The following TFIP11 variants were observed in gnomAD, a reference collection of about 807,000 sequenced individuals.
The protein encoded by TFIP11 is tuftelin-interacting protein 11.
Under a neutral mutation model 96.8 loss-of-function variants are expected in TFIP11, and 86 were observed. The ratio of observed to expected loss-of-function variants is 0.89; its 90% CI spans 0.75 to 1.06. The LOEUF is 1.06. Ranked by LOEUF, TFIP11 falls within the 50% of genes least tolerant of loss-of-function variation. TFIP11 has a pLI of 0.00. For synonymous variants in TFIP11, 405 were observed against 395.2 expected, an observed-to-expected ratio of 1.02 and a Z score of -0.29; for missense variants, 881 against 1,076.7, an observed-to-expected ratio of 0.82 and a Z score of 2.54.
At chr22:26,498,655 AC>A in intron 10 of TFIP11, 1 of 510,388 alleles carries the variant, frequency 2.0e-6, no homozygotes, top group East Asian at 3.1e-5. Context: ...GTAACCAAAT[AC>A]TACCTGTTCC....
chr22:26,493,546 T>A (rs1921498491), intron 14 of TFIP11: 1 of 153,328 alleles, frequency 6.5e-6, no homozygotes, highest in East Asian at 1.9e-4. Context: ...AACATAAATA[T>A]ACTCTCACTT....
chr22:26,510,221 C>T lies in TFIP11; in HGVS notation c.52G>A (p.Asp18Asn). Residue 18 changes from aspartate to asparagine, a missense_variant, in exon 4 of 15, where the codon GAT (aspartate) becomes AAT (asparagine). By Grantham distance (23) the Asp-to-Asn change is conservative. Transcript: ENST00000407690. ...RDGEGRIDDD[D>N]DERENFEITD... ...ATCTCAAAGTTCTCCCGCTCGTCAT[C>T]ATCATCATCAATGCGGCCTTCCCCA... is the stretch of plus-strand genomic sequence containing the variant. 1.2e-6 allele frequency: 2 copies of T among 1,614,182 alleles called. No homozygotes were observed. Among genetic ancestry groups the T allele is most frequent in the South Asian group, 2.2e-5 (2 of 91,076 alleles).
intron 6 of TFIP11, 96 bp downstream of exon 6, chr22:26,506,207 G>C: frequency 7.4e-7 from 1 of 1,352,496 alleles, no homozygotes; most frequent in African/African-American, 1.5e-5. Context: ...GAGATAAAGT[G>C]CTTTTAAAAG....
intron 12 of TFIP11, among the ~76,000 whole-genome samples, chr22:26,495,383 T>G (rs1371657825): frequency 1.5e-5 from 2 of 133,844 alleles, no homozygotes; most frequent in Non-Finnish European, 3.1e-5. Context: ...GTTCAAGCCA[T>G]CCTCCCGCCT....
intron 14 of TFIP11, chr22:26,493,865 G>A (rs1259958109): frequency 2.4e-6 from 1 of 422,120 alleles, no homozygotes; most frequent in East Asian, 4.9e-5. Context: ...GGTTAAGAGG[G>A]CGGGGCCTGG....
intron 10 of TFIP11, among the ~76,000 whole-genome samples, chr22:26,497,495 A>G (rs1225352779): frequency 6.6e-6 from 1 of 152,220 alleles, no homozygotes; most frequent in Non-Finnish European, 1.5e-5. Context: ...TACAACCACT[A>G]TGGAAAACAG....
chr22:26,494,719 C>T (rs2147120845), intron 13 of TFIP11, 78 bp downstream of exon 13: 1 of 1,579,892 alleles, frequency 6.3e-7, no homozygotes, highest in South Asian at 1.1e-5. Flanking sequence ...ATTGTACCTA[C>T]AGTCAGGCCT....
rs1219121776 is a variant in TFIP11 at position 26,506,763 on chromosome 22, A to G, written c.363+12T>C. ...GATATTCCTAGGGTCACAATCCTGCAATAGAGACTACCGTTTTTAGCTTCC... is the reference window on the plus strand; with the variant it reads ...GATATTCCTAGGGTCACAATCCTGCGATAGAGACTACCGTTTTTAGCTTCC... On this transcript the variant is annotated intron_variant, in intron 5 of 14. Transcript: ENST00000407690. The G allele has an allele frequency of 2.5e-6, 4 of 1,614,156 alleles. No individual in the cohort carries two copies. Among genetic ancestry groups the G allele is most frequent in the Non-Finnish European group, 3.4e-6 (4 of 1,179,996 alleles).
intron 6 of TFIP11, 140 bp from the exon 7 acceptor site, chr22:26,503,933 C>T (rs1018341577): frequency 2.7e-6 from 3 of 1,102,294 alleles, no homozygotes; most frequent in African/African-American, 3.1e-5. Context: ...CTATTCTCTG[C>T]CCTCAGAACA....
intron 4 of TFIP11, among the ~76,000 whole-genome samples, chr22:26,509,396 C>A (rs573832086): frequency 6.6e-6 from 1 of 152,300 alleles, no homozygotes; most frequent in East Asian, 1.9e-4. Flanking sequence ...AAAATGTGTT[C>A]TCCCTCATGT....
rs1395071853 is a variant in TFIP11 at position 26,496,071 on chromosome 22, A to T, written c.1849+2T>A. 5 of 1,613,234 alleles carry T rather than the reference A, an allele frequency of 3.1e-6. No homozygotes were observed. Among genetic ancestry groups the T allele is most frequent in the Non-Finnish European group, 4.2e-6 (5 of 1,179,830 alleles). ...TTGGAATGCATTTCCCCTTATCCTT[A>T]CCCAGCTTGGGCACTATGTTTTTGA... is the stretch of plus-strand genomic sequence containing the variant. On this transcript the variant is annotated splice_donor_variant, in intron 12 of 14. Transcript: ENST00000407690. LOFTEE classifies it high-confidence loss of function.
chr22:26,509,310 G>A (rs112706075), intron 4 of TFIP11, among the ~76,000 whole-genome samples: 99 of 152,212 alleles, frequency 6.5e-4, no homozygotes, highest in African/African-American at 2.2e-3. Flanking sequence ...ACCTTCTACT[G>A]TCAGTCATAT....
chr22:26,493,030 C>CT (rs752093181), intron 14 of TFIP11: 1,641 of 144,730 alleles, frequency 0.011, 29 homozygotes, highest in East Asian at 0.088. Context: ...GGCTATTTTT[C>CT]TTTTTTTTTT....
chr22:26,497,914 C>G (rs1203683598), intron 10 of TFIP11, among the ~76,000 whole-genome samples: 1 of 146,932 alleles, frequency 6.8e-6, no homozygotes, highest in African/African-American at 2.5e-5. Context: ...GAGAAAGATA[C>G]TTGCTCACAC....
At chr22:26,498,151 A>T (rs5761564) in intron 10 of TFIP11, among the ~76,000 whole-genome samples, 31 of 152,106 alleles carry the variant, frequency 2.0e-4, no homozygotes, top group African/African-American at 7.3e-4. Context: ...GTTCTCACTT[A>T]TAAGTGGAAG....
At chr22:26,495,422 C>T (rs550593449) in intron 12 of TFIP11, among the ~76,000 whole-genome samples, 6 of 151,626 alleles carry the variant, frequency 4.0e-5, no homozygotes, top group East Asian at 1.9e-4. Flanking sequence ...GGACGACAGG[C>T]GCCCGCCACC....
At chr22:26,494,080 T>TA in intron 14 of TFIP11, 59 bp downstream of exon 14, 2 of 1,590,160 alleles carry the variant, frequency 1.3e-6, no homozygotes, top group Non-Finnish European at 1.7e-6. Context: ...CTGTGTCATT[T>TA]ACATGTGTAA....
At position 26,496,298 on chromosome 22, in the gene TFIP11, G is replaced by A; in HGVS notation, c.1624C>T (p.Leu542Phe). 1 of 1,599,784 alleles carries A rather than the reference G, an allele frequency of 6.3e-7. No homozygotes were observed. Among genetic ancestry groups the A allele is most frequent in the Non-Finnish European group, 8.6e-7 (1 of 1,169,348 alleles). ...GAGTGGATGGGAACAGTGTCTGTGAGCGGGTTCCAGTTTTCCACCTGCGAA... is the reference window on the plus strand; with the variant it reads ...GAGTGGATGGGAACAGTGTCTGTGAACGGGTTCCAGTTTTCCACCTGCGAA... ...LQKEVENWNP[L>F]TDTVPIHSWI... Residue 542 changes from leucine to phenylalanine, a missense_variant, in exon 12 of 15, where the codon CTC becomes TTC. Coordinates refer to ENST00000407690, the MANE Select transcript of TFIP11 (RefSeq NM_012143.4).
intron 10 of TFIP11, among the ~76,000 whole-genome samples, chr22:26,498,541 C>CAAA (rs10716815): frequency 3.6e-5 from 3 of 83,594 alleles, no homozygotes; most frequent in African/African-American, 9.4e-5. Flanking sequence ...GACTCCATCT[C>CAAA]AAAAAAAAAA....
Sources: gnomAD v4.1 joint callset for allele counts (sites outside exome capture counted in the v4.1 genomes callset) on GRCh38, gnomAD v4.1.1 for gene constraint, MANE v1.5 for transcripts, NCBI Gene and HGNC (gene_info 2026-07-23, HGNC 2026-07-21) for gene names.